Variants in PAH observed in about 807,000 individuals in gnomAD.
The protein encoded by PAH is phenylalanine-4-hydroxylase.
PAH carries 64 observed loss-of-function variants against 62.0 expected under a neutral mutation model. The observed-to-expected ratio is 1.03, with a 90% CI of 0.84 to 1.27. The LOEUF is 1.27. Among genes scored for constraint, PAH ranks in the 50% most tolerant of loss-of-function variants. The pLI, the probability that PAH is intolerant of heterozygous loss-of-function variation, is 0.00. For missense variants in PAH, 579 were observed against 542.8 expected (o/e 1.07, Z -0.66); for synonymous variants, 195 against 196.2 (o/e 0.99, Z 0.05).
At chr12:102,844,503 G>A in intron 9 of PAH, 72 bp from the exon 10 acceptor site, 1 of 974,432 alleles carries the variant, frequency 1.0e-6, no homozygotes, top group Admixed American at 1.8e-5. Flanking sequence ...ACTGGATGAA[G>A]GGATACCTGA....
At chr12:102,901,914 A>T (rs920224576) in intron 2 of PAH, among the ~76,000 whole-genome samples, 5 of 152,266 alleles carry the variant, frequency 3.3e-5, no homozygotes, top group African/African-American at 1.2e-4. Flanking sequence ...AGAAAAAAAA[A>T]TCTCTGCCCT....
intron 3 of PAH, among the ~76,000 whole-genome samples, chr12:102,890,904 G>A (rs1278251552): frequency 2.0e-5 from 3 of 152,050 alleles, no homozygotes; most frequent in South Asian, 2.1e-4. Context: ...ACAACATGGC[G>A]AAACCCCGTC....
At chr12:102,918,660 C>G (rs771756938), upstream of PAH, among the ~76,000 whole-genome samples, 20 of 150,396 alleles carry the variant, frequency 1.3e-4, no homozygotes, top group Non-Finnish European at 2.7e-4. Flanking sequence ...GCCAGGCTGT[C>G]TACTGTCTGC....
In PAH at chr12:102,843,722, G is replaced by C. The variant is rs184148104; in HGVS notation, c.1123C>G (p.Gln375Glu). 18 of 1,613,582 alleles carry C rather than the reference G, an allele frequency of 1.1e-5. No homozygotes were observed. The East Asian group carries it at 4.0e-4, about 36-fold the overall frequency. The change falls in exon 11 of 13, where the codon CAA becomes GAA. Residue 375 changes from glutamine (Q) to glutamate (E), a missense_variant. Physicochemically the swap from Gln to Glu is conservative, Grantham distance 29. Transcript: ENST00000553106. Reference protein sequence around the residue: ...LPLELEKTAIQNYTVTEFQPL... With the variant: ...LPLELEKTAIENYTVTEFQPL... ...TGGAACTCCGTGACAGTGTAATTTTGGATGGCTGTCTTCTCCAGCTCCAGG... is the reference window on the plus strand; with the variant it reads ...TGGAACTCCGTGACAGTGTAATTTTCGATGGCTGTCTTCTCCAGCTCCAGG...
chr12:102,912,514 TGATTAGGCA>T (rs1438910478), intron 2 of PAH, among the ~76,000 whole-genome samples: 1 of 152,184 alleles, frequency 6.6e-6, no homozygotes, highest in Non-Finnish European at 1.5e-5. Flanking sequence ...ATCACACATA[TGATTAGGCA>T]TTTTACAAAA....
chr12:102,900,764 C>G (rs1877720976), intron 2 of PAH, among the ~76,000 whole-genome samples: 1 of 152,270 alleles, frequency 6.6e-6, no homozygotes, highest in African/African-American at 2.4e-5. Context: ...TAGGATCATA[C>G]TTTTAACAAA....
chr12:102,916,105 G>A (rs1878369010), intron 1 of PAH, among the ~76,000 whole-genome samples: 1 of 151,646 alleles, frequency 6.6e-6, no homozygotes, highest in Non-Finnish European at 1.5e-5. Flanking sequence ...TGTACAATAA[G>A]TTCTGTCTCC....
chr12:102,938,175 A>G (rs1879168852), intron 1 of PAH, among the ~76,000 whole-genome samples: 1 of 152,186 alleles, frequency 6.6e-6, no homozygotes, highest in African/African-American at 2.4e-5. Flanking sequence ...CTGCCCACCA[A>G]GGATTGGCAT....
At chr12:102,940,900 T>C (rs1013569679) in intron 1 of PAH, among the ~76,000 whole-genome samples, 1 of 151,666 alleles carries the variant, frequency 6.6e-6, no homozygotes, top group African/African-American at 2.4e-5. Flanking sequence ...GTGGAAAAAA[T>C]ATATATTAAA....
At chr12:102,873,419 G>C (rs10778205) in intron 4 of PAH, among the ~76,000 whole-genome samples, 37,619 of 152,124 alleles carry the variant, frequency 0.25, 5,469 homozygotes, top group East Asian at 0.76. Flanking sequence ...GTGGAAGGAG[G>C]CTTGGTTCTG....
intron 9 of PAH, among the ~76,000 whole-genome samples, chr12:102,845,141 C>G (rs1364623136): frequency 6.6e-6 from 1 of 152,186 alleles, no homozygotes; most frequent in Non-Finnish European, 1.5e-5. Context: ...GGTTTGTTCT[C>G]TGAATCAGCA....
chr12:102,869,742 G>A lies in PAH; in HGVS notation c.442-3079C>T, dbSNP rs569614781. On this transcript the variant is annotated intron_variant, in intron 4 of 12. Transcript: ENST00000553106. ...TTTCTCAGTTACCAGTGGTCAGAGAGCTCTGTGGCCTGACGCCCAGCCTCT... is the reference window on the plus strand; with the variant it reads ...TTTCTCAGTTACCAGTGGTCAGAGAACTCTGTGGCCTGACGCCCAGCCTCT... 8.2e-4 allele frequency among the ~76,000 whole-genome samples: 125 copies of A among 152,296 alleles called. 1 individual carries two copies. Among genetic ancestry groups the A allele is most frequent in the Non-Finnish European group, 7.6e-4 (52 of 68,038 alleles).
At chr12:102,861,531 C>G (rs868665820) in intron 5 of PAH, among the ~76,000 whole-genome samples, 2 of 152,168 alleles carry the variant, frequency 1.3e-5, no homozygotes, top group Non-Finnish European at 2.9e-5. Context: ...CACATGCACA[C>G]ATATGTTTAT....
At chr12:102,862,496 T>C (rs1875772040) in intron 5 of PAH, among the ~76,000 whole-genome samples, 1 of 152,098 alleles carries the variant, frequency 6.6e-6, no homozygotes, top group Non-Finnish European at 1.5e-5. Context: ...CAAACCCCCA[T>C]GACACAAGTT....
chr12:102,952,442 A>C (rs1175615837), upstream of PAH, among the ~76,000 whole-genome samples: 1 of 152,138 alleles, frequency 6.6e-6, no homozygotes, highest in Non-Finnish European at 1.5e-5. Context: ...AAGGAAAGCC[A>C]TGTGCCTAGA....
intron 3 of PAH, among the ~76,000 whole-genome samples, chr12:102,893,421 AAAAAT>A (rs914767807): frequency 4.9e-5 from 6 of 123,610 alleles, no homozygotes; most frequent in African/African-American, 7.7e-5. Context: ...AATAAAAATA[AAAAAT>A]AAAATAAAAA....
At position 102,838,461 on chromosome 12, in the gene PAH, T is replaced by A. The variant is rs958700803; in HGVS notation, c.*714A>T. The stretch of plus-strand genomic sequence containing the variant: ...ACCAACCAAGCCTTTAGTCAACATC[T>A]GCTGCATCATAAATGTCCTCAAAGT... On this transcript the variant is annotated 3_prime_UTR_variant, in exon 13 of 13. Coordinates refer to ENST00000553106, the MANE Select transcript of PAH (RefSeq NM_000277.3). 1 of 152,256 alleles carries A rather than the reference T, an allele frequency of 6.6e-6. No homozygotes were observed. The highest frequency in any genetic ancestry group is 6.5e-5 in the Admixed American group (1 of 15,284). The allele number at this position is 152,256 out of a possible 1,614,324, so 9.4% of individuals were successfully genotyped here.
upstream of PAH, among the ~76,000 whole-genome samples, chr12:102,918,613 TA>T (rs1441142267): frequency 3.3e-5 from 5 of 151,836 alleles, no homozygotes; most frequent in Admixed American, 1.3e-4. Flanking sequence ...ATGAGAATTT[TA>T]AGGGATATTT....
At chr12:102,939,317 CAGA>C (rs967154165) in intron 1 of PAH, among the ~76,000 whole-genome samples, 3 of 152,164 alleles carry the variant, frequency 2.0e-5, no homozygotes, top group Admixed American at 2.0e-4. Flanking sequence ...CAGCACACTA[CAGA>C]AGACCTATGG....
Sources: allele counts gnomAD v4.1 joint callset (sites outside exome capture counted in the v4.1 genomes callset), GRCh38; gene constraint gnomAD v4.1.1; transcripts MANE v1.5; gene names NCBI Gene and HGNC (gene_info 2026-07-23, HGNC 2026-07-21).